TMEM63C: variants seen among roughly 807,000 people sequenced by gnomAD.
TMEM63C encodes transmembrane protein 63C.
Under a neutral mutation model 99.2 loss-of-function variants are expected in TMEM63C, and 32 were observed. That is an observed-to-expected ratio of 0.32 (90% CI 0.24 to 0.43). The LOEUF (loss-of-function observed/expected upper bound fraction) is 0.43. Among genes scored for constraint, TMEM63C ranks in the 20% least tolerant of loss-of-function variants. The pLI is 1.00. For missense variants in TMEM63C, 826 were observed against 1,053.0 expected, an observed-to-expected ratio of 0.78 and a Z score of 2.98; for synonymous variants, 376 against 397.9, an observed-to-expected ratio of 0.94 and a Z score of 0.66.
chr14:77,189,618 G>A (rs966436866), intron 1 of TMEM63C, among the ~76,000 whole-genome samples: 4 of 152,178 alleles, frequency 2.6e-5, no homozygotes, highest in Non-Finnish European at 5.9e-5. Flanking sequence ...CAAAAATGAC[G>A]GAATGTTTAC....
chr14:77,249,167 C>T (rs1889315559), intron 20 of TMEM63C, 124 bp from the exon 21 acceptor site: 1 of 1,049,610 alleles, frequency 9.5e-7, no homozygotes, highest in Non-Finnish European at 1.4e-6. Flanking sequence ...CTCCCCCAAC[C>T]CATCCTTGGT....
intron 22 of TMEM63C, 60 bp from the exon 23 acceptor site, chr14:77,253,245 G>C: frequency 6.6e-7 from 1 of 1,518,668 alleles, no homozygotes; most frequent in Non-Finnish European, 9.0e-7. Context: ...GGCTCCTCTG[G>C]ATGAATGGGG....
chr14:77,202,332 C>T (rs1888312899), intron 1 of TMEM63C, among the ~76,000 whole-genome samples: 1 of 148,858 alleles, frequency 6.7e-6, no homozygotes, highest in Non-Finnish European at 1.5e-5. Flanking sequence ...ACAGACACAC[C>T]TCAAAACACA....
intron 5 of TMEM63C, among the ~76,000 whole-genome samples, chr14:77,220,704 A>G (rs114434164): frequency 0.053 from 8,053 of 152,068 alleles, 474 homozygotes; most frequent in African/African-American, 0.14. Context: ...AGAACGCCAC[A>G]GGAGGAGGTC....
chr14:77,194,334 ATATGTGTGTGTGTGTGTG>A lies in TMEM63C; in HGVS notation c.-77+12442_-77+12459del, dbSNP rs1423055491. 3.9e-3 allele frequency among the ~76,000 whole-genome samples: 282 copies of A among 72,044 alleles called. 1 individual carries two copies. Among genetic ancestry groups the A allele is most frequent in the African/African-American group, 8.5e-3 (256 of 30,184 alleles). The allele number at this position is 72,044 out of a possible 152,430, so 47.3% of individuals were successfully genotyped here. ...TAAAGATGCAGGCATAGATATATAT[ATATGTGTGTGTGTGTGTG>A]TGTGTGTGTGTGTGTGTGTGTGTGT... On this transcript the variant is annotated intron_variant, in intron 1 of 23. Coordinates refer to ENST00000298351, the MANE Select transcript of TMEM63C (RefSeq NM_020431.4).
At chr14:77,192,949 T>C (rs1335187916) in intron 1 of TMEM63C, among the ~76,000 whole-genome samples, 1 of 152,194 alleles carries the variant, frequency 6.6e-6, no homozygotes, top group Non-Finnish European at 1.5e-5. Flanking sequence ...GCAAATACTT[T>C]CATGATTCTC....
At chr14:77,224,670 G>T (rs1888785656) in intron 5 of TMEM63C, among the ~76,000 whole-genome samples, 1 of 151,682 alleles carries the variant, frequency 6.6e-6, no homozygotes, top group Admixed American at 6.6e-5. Flanking sequence ...ACTCCAGACA[G>T]CAAGACCCCA....
intron 1 of TMEM63C, among the ~76,000 whole-genome samples, chr14:77,196,502 G>T (rs72725332): frequency 0.23 from 35,623 of 152,186 alleles, 5,260 homozygotes; most frequent in Admixed American, 0.38. Flanking sequence ...TTTTGGTTAG[G>T]ATGTCCTCTG....
At chr14:77,188,491 G>T (rs1888041812) in intron 1 of TMEM63C, among the ~76,000 whole-genome samples, 1 of 152,150 alleles carries the variant, frequency 6.6e-6, no homozygotes, top group African/African-American at 2.4e-5. Context: ...TTCACATCTA[G>T]GTATACATTA....
chr14:77,248,237 T>TC (rs1889296800), intron 18 of TMEM63C, 110 bp from the exon 19 acceptor site: 3 of 918,128 alleles, frequency 3.3e-6, no homozygotes, highest in Non-Finnish European at 5.0e-6. Context: ...TATCTGTATC[T>TC]CCACTCCGAT....
chr14:77,205,608 A>AG (rs1245032787), intron 1 of TMEM63C, among the ~76,000 whole-genome samples: 2 of 152,094 alleles, frequency 1.3e-5, no homozygotes, highest in East Asian at 3.9e-4. Flanking sequence ...CCGTTGGGGG[A>AG]GGATCAAGGT....
In TMEM63C at chr14:77,246,629, G is replaced by T; in HGVS notation, c.1556G>T (p.Trp519Leu). 1.2e-6 allele frequency: 2 copies of T among 1,613,350 alleles called. No homozygotes were observed. The highest frequency in any genetic ancestry group is 1.7e-6 in the Non-Finnish European group (2 of 1,179,652). ...TCTAGTTTGGATGTCTTTCTCCGCT[G>T]GCTCTTTGACATCTACTATCTAGAG... ...GLTSLDVFLR[W>L]LFDIYYLEQA... Residue 519 changes from tryptophan to leucine, a missense_variant, in exon 18 of 24, where the codon TGG becomes TTG. Transcript: ENST00000298351.
intron 1 of TMEM63C, among the ~76,000 whole-genome samples, chr14:77,190,306 AAGGTTCAGATCACTTCT>A (rs2140089624): frequency 6.6e-6 from 1 of 152,260 alleles, no homozygotes; most frequent in Admixed American, 6.5e-5. Context: ...CAAAAAAACT[AAGGTTCAGATCACTTCT>A]AGTTTCTATC....
At chr14:77,213,184 A>G (rs1401962028) in intron 1 of TMEM63C, among the ~76,000 whole-genome samples, 1 of 152,178 alleles carries the variant, frequency 6.6e-6, no homozygotes, top group Non-Finnish European at 1.5e-5. Context: ...GCACAGGACT[A>G]ACTCCTACAC....
At chr14:77,198,628 C>G (rs969638653) in intron 1 of TMEM63C, among the ~76,000 whole-genome samples, 1 of 152,218 alleles carries the variant, frequency 6.6e-6, no homozygotes, top group East Asian at 1.9e-4. Context: ...GTCCTGCAAA[C>G]TTCTAGCTTT....
chr14:77,231,686 C>G lies in TMEM63C; in HGVS notation c.449C>G (p.Ser150Cys). Reference sequence around the variant, plus strand: ...TTTGTGCTCATCATCTGTATCCCCTCCCTGGGCATCATTTTGCCCATCAAC... The same window carrying G: ...TTTGTGCTCATCATCTGTATCCCCTGCCTGGGCATCATTTTGCCCATCAAC... Reference protein sequence around the residue: ...IIFVLIICIPSLGIILPINYT... With the variant: ...IIFVLIICIPCLGIILPINYT... Residue 150 changes from serine to cysteine, a missense_variant, in exon 7 of 24, where the codon TCC becomes TGC. By Grantham distance (112) the Ser-to-Cys change is moderately radical (BLOSUM62 -1). Transcript: ENST00000298351. The G allele has an allele frequency of 6.4e-7, 1 of 1,551,702 alleles. No homozygotes were observed. Among genetic ancestry groups the G allele is most frequent in the Non-Finnish European group, 8.7e-7 (1 of 1,147,010 alleles).
At chr14:77,190,340 C>T (rs531133719) in intron 1 of TMEM63C, among the ~76,000 whole-genome samples, 1 of 152,238 alleles carries the variant, frequency 6.6e-6, no homozygotes, top group South Asian at 2.1e-4. Flanking sequence ...TATCAAACCT[C>T]CAAGGCACAG....
intron 6 of TMEM63C, among the ~76,000 whole-genome samples, chr14:77,228,312 C>G (rs1278525646): frequency 6.6e-6 from 1 of 152,136 alleles, no homozygotes; most frequent in Admixed American, 6.5e-5. Context: ...CTCTCTCCAC[C>G]TGATTGGAGG....
intron 18 of TMEM63C, among the ~76,000 whole-genome samples, chr14:77,246,922 A>C (rs546301740): frequency 6.6e-6 from 1 of 152,282 alleles, no homozygotes; most frequent in Non-Finnish European, 1.5e-5. Flanking sequence ...AGTTGCCCCC[A>C]AACTGTATGC....
Sources: gnomAD v4.1 joint callset for allele counts (sites outside exome capture counted in the v4.1 genomes callset) on GRCh38, gnomAD v4.1.1 for gene constraint, MANE v1.5 for transcripts, NCBI Gene and HGNC (gene_info 2026-07-23, HGNC 2026-07-21) for gene names.